NFKB1: variants seen among roughly 807,000 people sequenced by gnomAD.
NFKB1 encodes the protein nuclear factor kappa B subunit 1, also known as nuclear factor NF-kappa-B p105 subunit.
In NFKB1, 9 loss-of-function variants were observed where a neutral mutation model predicts 105.1. The observed-to-expected ratio is 0.09, with a 90% CI of 0.05 to 0.15. The LOEUF is 0.15. Ranked by LOEUF, NFKB1 falls within the 10% of genes least tolerant of loss-of-function variation. The probability of loss-of-function intolerance (pLI) is 1.00; values close to 1 mark genes in which losing one functional copy is unlikely to be tolerated. For synonymous variants in NFKB1, 440 were observed against 442.2 expected (o/e 1.00, Z 0.06); for missense variants, 830 against 1,203.7 (o/e 0.69, Z 4.59).
intron 5 of NFKB1, among the ~76,000 whole-genome samples, chr4:102,545,615 A>G (rs1722077755): frequency 6.6e-6 from 1 of 152,078 alleles, no homozygotes; most frequent in Non-Finnish European, 1.5e-5. Context: ...TCATTATCAT[A>G]ATGTTAAGGA....
chr4:102,516,985 T>C (rs766047133), intron 1 of NFKB1, among the ~76,000 whole-genome samples: 13 of 152,318 alleles, frequency 8.5e-5, no homozygotes, highest in African/African-American at 3.1e-4. Context: ...AAATTCAGTG[T>C]CTCTCAGCAC....
rs1162269963 is a variant in NFKB1, at chr4:102,568,472, GA to G, written c.407+1340del. On this transcript the variant is annotated intron_variant, in intron 6 of 23. Transcript: ENST00000226574. The stretch of plus-strand genomic sequence containing the variant: ...TTCCTGATTGACCTAGGAGAGCTTT[GA>G]AATGCAGGCTAATTATCACAGTTTT... Among the ~76,000 whole-genome samples, 20 of 152,244 alleles carry G rather than the reference GA, an allele frequency of 1.3e-4. 1 individual carries two copies. The highest frequency in any genetic ancestry group is 4.6e-4 in the African/African-American group (19 of 41,548).
At chr4:102,551,367 T>TGTGTGTGTGTGCACGCGC (rs370790173) in intron 5 of NFKB1, among the ~76,000 whole-genome samples, 2 of 150,204 alleles carry the variant, frequency 1.3e-5, no homozygotes, top group Admixed American at 6.6e-5. Flanking sequence ...TGTGTGTGTG[T>TGTGTGTGTGTGCACGCGC]GCGCGCGCGC....
In NFKB1 at chr4:102,616,918, C is replaced by T. The variant is rs1352226731; in HGVS notation, c.*324C>T. Reference sequence around the variant, plus strand: ...TGTCATTGCTGTTGTCCCTCTGCTACGTTCCTATTGTCATTAAAGGTATCA... The same window carrying T: ...TGTCATTGCTGTTGTCCCTCTGCTATGTTCCTATTGTCATTAAAGGTATCA... On this transcript the variant is annotated 3_prime_UTR_variant, in exon 24 of 24. Coordinates refer to ENST00000226574, the MANE Select transcript of NFKB1 (RefSeq NM_003998.4). 2.8e-5 allele frequency: 6 copies of T among 213,702 alleles called. No individual in the cohort carries two copies. The highest frequency in any genetic ancestry group is 4.5e-5 in the African/African-American group (2 of 44,228). The allele number at this position is 213,702 out of a possible 1,614,324, so 13.2% of individuals were successfully genotyped here.
Position 102,609,158 on chromosome 4 carries a change from C to CA in NFKB1, c.2228-1405dup, listed in dbSNP as rs372174091. Among the ~76,000 whole-genome samples, 177 of 97,296 alleles carry CA rather than the reference C, an allele frequency of 1.8e-3. 7 individuals are homozygous for CA. Among genetic ancestry groups the CA allele is most frequent in the East Asian group, 2.8e-3 (8 of 2,828 alleles). 63.8% of individuals were successfully genotyped at this position (97,296 alleles called of 152,430 possible). A position where few individuals can be genotyped will look rare whatever the true frequency, so the allele number is the denominator to read the frequency against. ...ATAGAATAAGAATAAGACCCTGTCTCAAAAAAAAAAAAGAAAAAGAAAGAA... is the reference window on the plus strand; with the variant it reads ...ATAGAATAAGAATAAGACCCTGTCTCAAAAAAAAAAAAAGAAAAAGAAAGAA... On this transcript the variant is annotated intron_variant, in intron 19 of 23. Coordinates refer to ENST00000226574, the MANE Select transcript of NFKB1 (RefSeq NM_003998.4).
At chr4:102,557,638 C>T (rs1723087811) in intron 5 of NFKB1, among the ~76,000 whole-genome samples, 1 of 152,062 alleles carries the variant, frequency 6.6e-6, no homozygotes, top group African/African-American at 2.4e-5. Flanking sequence ...ATCCTGGATC[C>T]CTGAGGGAAA....
chr4:102,559,404 T>C (rs925285177), intron 5 of NFKB1, among the ~76,000 whole-genome samples: 1 of 151,850 alleles, frequency 6.6e-6, no homozygotes, highest in African/African-American at 2.4e-5. Context: ...TGGCATGGCA[T>C]GACATGGCTT....
At chr4:102,545,592 T>G (rs230519) in intron 5 of NFKB1, among the ~76,000 whole-genome samples, 5 of 152,010 alleles carry the variant, frequency 3.3e-5, no homozygotes, top group African/African-American at 1.2e-4. Flanking sequence ...TCTTAACCAT[T>G]GTGGAATACC....
intron 15 of NFKB1, among the ~76,000 whole-genome samples, chr4:102,599,646 G>A (rs1726961325): frequency 6.6e-6 from 1 of 152,168 alleles, no homozygotes; most frequent in South Asian, 2.1e-4. Flanking sequence ...GATGGCTTTG[G>A]AGTAAGACAG....
intron 5 of NFKB1, among the ~76,000 whole-genome samples, chr4:102,553,739 G>A (rs1046334610): frequency 6.6e-6 from 1 of 152,158 alleles, no homozygotes; most frequent in African/African-American, 2.4e-5. Flanking sequence ...TAACTACCCA[G>A]GGCAGGGCCC....
At chr4:102,594,641 T>C (rs1560704844) in intron 12 of NFKB1, among the ~76,000 whole-genome samples, 1 of 152,186 alleles carries the variant, frequency 6.6e-6, no homozygotes, top group African/African-American at 2.4e-5. Flanking sequence ...GTGAAGGCTT[T>C]CTCCATTACA....
At chr4:102,537,504 GCAGCAGCAATT>G (rs1741717423) in intron 4 of NFKB1, 1 of 168,972 alleles carries the variant, frequency 5.9e-6, no homozygotes, top group Admixed American at 6.2e-5. Flanking sequence ...TCAGAGCTTG[GCAGCAGCAATT>G]TAAGACAAGG....
intron 5 of NFKB1, among the ~76,000 whole-genome samples, chr4:102,542,199 T>C (rs1019568922): frequency 1.3e-5 from 2 of 152,190 alleles, no homozygotes; most frequent in African/African-American, 2.4e-5. Context: ...CATAAAACCC[T>C]GTTTCGCATA....
chr4:102,607,629 T>G lies in NFKB1; in HGVS notation c.2125-20T>G, dbSNP rs1299416431. ...AAAAGAACCTTCCACTAACGCTTTC[T>G]TGTGTGGGCTGGATTGTAGGGTGAT... On this transcript the variant is annotated intron_variant, in intron 18 of 23. Coordinates refer to ENST00000226574, the MANE Select transcript of NFKB1 (RefSeq NM_003998.4). 3 of 1,612,216 alleles carry G rather than the reference T, an allele frequency of 1.9e-6. No homozygotes were observed. The highest frequency in any genetic ancestry group is 2.5e-6 in the Non-Finnish European group (3 of 1,178,492).
intron 19 of NFKB1, among the ~76,000 whole-genome samples, chr4:102,609,631 A>AAAAAAAAAC (rs1728208131): frequency 6.6e-6 from 1 of 151,292 alleles, no homozygotes; most frequent in African/African-American, 2.4e-5. Flanking sequence ...AAAAAAAAAA[A>AAAAAAAAAC]AAAGCGTCAG....
At chr4:102,523,823 T>G (rs550108488) in intron 1 of NFKB1, among the ~76,000 whole-genome samples, 1 of 152,288 alleles carries the variant, frequency 6.6e-6, no homozygotes, top group African/African-American at 2.4e-5. Flanking sequence ...CTGGAAGTGG[T>G]ATGCAAGAGT....
At chr4:102,551,376 G>A (rs1457944457) in intron 5 of NFKB1, among the ~76,000 whole-genome samples, 6 of 150,812 alleles carry the variant, frequency 4.0e-5, no homozygotes, top group Non-Finnish European at 8.9e-5. Flanking sequence ...GTGCGCGCGC[G>A]CATGTGTGTG....
At chr4:102,525,482 AGTTTT>A (rs576104169) in intron 1 of NFKB1, 25 bp from the exon 2 acceptor site, 13 of 1,602,290 alleles carry the variant, frequency 8.1e-6, no homozygotes, top group South Asian at 6.7e-5. Context: ...CTAGTGTTAC[AGTTTT>A]GTTTTGTTTT....
Position 102,592,701 on chromosome 4 carries a change from A to G in NFKB1, c.1067-724A>G, listed in dbSNP as rs74647757. ...CAGTAATGTGGAATTGAACCTTTCA[A>G]TATCTCAGAGGCATGCCTGTACTAA... On this transcript the variant is annotated intron_variant, in intron 11 of 23. Transcript: ENST00000226574. 5.6e-3 allele frequency among the ~76,000 whole-genome samples: 856 copies of G among 152,322 alleles called. 16 individuals carry two copies. Among genetic ancestry groups the G allele is most frequent in the African/African-American group, 0.019 (793 of 41,576 alleles).
Sources: allele counts gnomAD v4.1 joint callset (sites outside exome capture counted in the v4.1 genomes callset), GRCh38; gene constraint gnomAD v4.1.1; transcripts MANE v1.5; gene names NCBI Gene and HGNC (gene_info 2026-07-23, HGNC 2026-07-21).